CYRIA: variants seen among roughly 807,000 people sequenced by gnomAD.
The protein encoded by CYRIA is CYFIP related Rac1 interactor A, also known as CYFIP-related Rac1 interactor A.
A neutral mutation model predicts 43.9 loss-of-function variants in CYRIA; 15 were observed. The ratio of observed to expected loss-of-function variants is 0.34; its 90% confidence interval spans 0.23 to 0.53. CYRIA has a LOEUF of 0.53. Ranked by LOEUF, CYRIA falls within the 20% of genes least tolerant of loss-of-function variation. CYRIA has a pLI of 0.94. For synonymous variants in CYRIA, 117 were observed against 136.0 expected (o/e 0.86, Z 0.97); for missense variants, 236 against 394.2 (o/e 0.60, Z 3.40).
At chr2:16,637,419 T>C (rs1669531255) in intron 1 of CYRIA, among the ~76,000 whole-genome samples, 1 of 152,102 alleles carries the variant, frequency 6.6e-6, no homozygotes, top group South Asian at 2.1e-4. Context: ...AGAGATGATG[T>C]TTTTCTCTCT....
chr2:16,588,003 A>G, intron 3 of CYRIA, 47 bp downstream of exon 3: 1 of 1,198,448 alleles, frequency 8.3e-7, no homozygotes, highest in Non-Finnish European at 1.2e-6. Context: ...TCAACAATCT[A>G]TAAGGAATGT....
At chr2:16,641,542 T>C (rs545227891) in intron 1 of CYRIA, among the ~76,000 whole-genome samples, 4 of 152,350 alleles carry the variant, frequency 2.6e-5, no homozygotes, top group East Asian at 1.9e-4. Flanking sequence ...AATTTTACTA[T>C]CCCTCAATCC....
intron 1 of CYRIA, among the ~76,000 whole-genome samples, chr2:16,658,826 C>T (rs1300122679): frequency 6.6e-6 from 1 of 152,148 alleles, no homozygotes; most frequent in Non-Finnish European, 1.5e-5. Flanking sequence ...CAGGGGTGTT[C>T]ATCAGCATGC....
chr2:16,662,338 G>A lies in CYRIA; in HGVS notation c.-167+3442C>T, dbSNP rs138742504. ...TAAATAACAGCAAGTCTACTGTGAA[G>A]TGGGCACCATGCCAGACCCTTTAAA... On this transcript the variant is annotated intron_variant, in intron 1 of 11. Transcript: ENST00000381323. 5.8e-3 allele frequency among the ~76,000 whole-genome samples: 882 copies of A among 152,336 alleles called. 9 individuals carry two copies. Among genetic ancestry groups the A allele is most frequent in the African/African-American group, 0.019 (803 of 41,578 alleles).
intron 2 of CYRIA, among the ~76,000 whole-genome samples, chr2:16,605,263 A>T (rs1229561432): frequency 1.3e-5 from 2 of 152,254 alleles, no homozygotes; most frequent in Admixed American, 6.5e-5. Context: ...AAACATCAAT[A>T]GTACAGCAGC....
intron 2 of CYRIA, among the ~76,000 whole-genome samples, chr2:16,610,665 AC>A (rs1231928183): frequency 2.0e-5 from 3 of 152,186 alleles, no homozygotes; most frequent in African/African-American, 7.2e-5. Context: ...GCCTATGTGT[AC>A]TGCCCCATGT....
At chr2:16,651,962 C>A (rs904965534) in intron 1 of CYRIA, among the ~76,000 whole-genome samples, 3 of 152,110 alleles carry the variant, frequency 2.0e-5, no homozygotes, top group Admixed American at 6.5e-5. Flanking sequence ...ACAGTCAGTT[C>A]TCAAAAAACA....
chr2:16,611,713 G>A (rs942338256), intron 2 of CYRIA, among the ~76,000 whole-genome samples: 1 of 150,336 alleles, frequency 6.7e-6, no homozygotes, highest in Non-Finnish European at 1.5e-5. Flanking sequence ...GTGAAGAAAG[G>A]AGCCCAACGT....
chr2:16,646,682 A>T (rs1254758286), intron 1 of CYRIA, among the ~76,000 whole-genome samples: 1 of 152,214 alleles, frequency 6.6e-6, no homozygotes, highest in Non-Finnish European at 1.5e-5. Flanking sequence ...GTTAAACATT[A>T]TTCTGTTTGT....
chr2:16,632,661 T>G (rs1387664188), intron 1 of CYRIA, among the ~76,000 whole-genome samples: 1 of 152,148 alleles, frequency 6.6e-6, no homozygotes, highest in African/African-American at 2.4e-5. Flanking sequence ...AATGAAAAAC[T>G]TCCATCATTC....
chr2:16,665,707 C>G (rs187433142), intron 1 of CYRIA, 73 bp downstream of exon 1: 2 of 149,002 alleles, frequency 1.3e-5, no homozygotes, highest in Admixed American at 1.3e-4. Context: ...CGCGGTGCCC[C>G]GTGCAGGCCG....
chr2:16,634,350 C>T (rs915177224), intron 1 of CYRIA, among the ~76,000 whole-genome samples: 5 of 152,180 alleles, frequency 3.3e-5, no homozygotes, highest in East Asian at 3.9e-4. Context: ...AACAGCCCCC[C>T]ACTGTCACCA....
intron 2 of CYRIA, among the ~76,000 whole-genome samples, chr2:16,616,989 C>G (rs1668818457): frequency 6.6e-6 from 1 of 152,244 alleles, no homozygotes; most frequent in Non-Finnish European, 1.5e-5. Context: ...CAAATCTTAC[C>G]TGAAGCCCAC....
intron 1 of CYRIA, among the ~76,000 whole-genome samples, chr2:16,642,562 C>T (rs1669705417): frequency 6.6e-6 from 1 of 152,154 alleles, no homozygotes; most frequent in South Asian, 2.1e-4. Context: ...CAGAGTGATG[C>T]CACTAAAATG....
At chr2:16,603,977 T>C (rs1221677649) in intron 2 of CYRIA, among the ~76,000 whole-genome samples, 2 of 152,164 alleles carry the variant, frequency 1.3e-5, no homozygotes, top group Non-Finnish European at 2.9e-5. Flanking sequence ...ATGTTACTGG[T>C]TTTTGAAATC....
intron 3 of CYRIA, among the ~76,000 whole-genome samples, chr2:16,568,080 CAA>C (rs984469643): frequency 6.6e-6 from 1 of 152,038 alleles, no homozygotes; most frequent in Non-Finnish European, 1.5e-5. Context: ...TTCCCATATC[CAA>C]AAATCTGAAA....
intron 1 of CYRIA, among the ~76,000 whole-genome samples, chr2:16,652,621 C>A (rs1045252333): frequency 1.3e-5 from 2 of 152,214 alleles, no homozygotes; most frequent in African/African-American, 4.8e-5. Flanking sequence ...CTGCTACCCC[C>A]TGCCACCCTC....
intron 3 of CYRIA, among the ~76,000 whole-genome samples, chr2:16,587,686 T>C (rs1253102533): frequency 6.6e-6 from 1 of 152,106 alleles, no homozygotes; most frequent in Non-Finnish European, 1.5e-5. Context: ...AACTGAATCA[T>C]GGGGACGGGT....
chr2:16,565,598 T>C, intron 4 of CYRIA, 48 bp downstream of exon 4: 1 of 1,494,746 alleles, frequency 6.7e-7, no homozygotes, highest in Non-Finnish European at 9.0e-7. Flanking sequence ...TGTGTGGTTT[T>C]CCTTCCCCTC....
Sources: gnomAD v4.1 joint callset for allele counts (sites outside exome capture counted in the v4.1 genomes callset) on GRCh38, gnomAD v4.1.1 for gene constraint, MANE v1.5 for transcripts, NCBI Gene and HGNC (gene_info 2026-07-23, HGNC 2026-07-21) for gene names.